The following SUSD4 variants were observed in gnomAD, a reference collection of about 807,000 sequenced individuals.
SUSD4 encodes sushi domain containing 4.
Under a neutral mutation model 50.5 loss-of-function variants are expected in SUSD4, and 41 were observed. That is an observed-to-expected ratio of 0.81 (90% confidence interval 0.63 to 1.05). The LOEUF (loss-of-function observed/expected upper bound fraction) is 1.05. Among genes scored for constraint, SUSD4 ranks in the 50% least tolerant of loss-of-function variants. SUSD4 has a pLI of 0.00. For missense variants in SUSD4, 580 were observed against 634.7 expected, an observed-to-expected ratio of 0.91 and a Z score of 0.93; for synonymous variants, 257 against 257.3, an observed-to-expected ratio of 1.00 and a Z score of 0.01.
At chr1:223,233,334 G>A (rs1181541590) in intron 5 of SUSD4, among the ~76,000 whole-genome samples, 5 of 152,140 alleles carry the variant, frequency 3.3e-5, no homozygotes, top group Non-Finnish European at 5.9e-5. Flanking sequence ...TAGGGGGTGG[G>A]AGCGTTTCTT....
At chr1:223,336,503 C>T (rs1173350652) in intron 2 of SUSD4, among the ~76,000 whole-genome samples, 1 of 152,182 alleles carries the variant, frequency 6.6e-6, no homozygotes, top group African/African-American at 2.4e-5. Flanking sequence ...GAATAGCACT[C>T]AGGACTGGAA....
intron 2 of SUSD4, among the ~76,000 whole-genome samples, chr1:223,336,777 CT>C (rs1273420813): frequency 2.0e-5 from 3 of 152,068 alleles, no homozygotes; most frequent in African/African-American, 7.3e-5. Flanking sequence ...GCTCTTCTGG[CT>C]CCAAATCAAA....
chr1:223,335,801 C>G (rs34572097), intron 2 of SUSD4, among the ~76,000 whole-genome samples: 1 of 151,972 alleles, frequency 6.6e-6, no homozygotes, highest in African/African-American at 2.4e-5. Context: ...CCAACTGAGA[C>G]GGTGATCAGA....
intron 5 of SUSD4, chr1:223,235,126 A>G: frequency 1.9e-6 from 3 of 1,581,756 alleles, no homozygotes; most frequent in Non-Finnish European, 2.6e-6. Flanking sequence ...GTAAATATGA[A>G]AACATAAGAA....
At chr1:223,236,716 T>C (rs1278705924) in intron 5 of SUSD4, among the ~76,000 whole-genome samples, 1 of 152,126 alleles carries the variant, frequency 6.6e-6, no homozygotes, top group East Asian at 1.9e-4. Context: ...GATCTATTTG[T>C]CAATTATTTC....
intron 5 of SUSD4, among the ~76,000 whole-genome samples, chr1:223,251,138 T>C (rs1661277518): frequency 6.6e-6 from 1 of 152,194 alleles, no homozygotes; most frequent in South Asian, 2.1e-4. Context: ...TGTTAGTCTG[T>C]TCATTGTATT....
At position 223,287,752 on chromosome 1, in the gene SUSD4, T is replaced by C. The variant is rs544456273; in HGVS notation, c.361+4687A>G. ...AGTTTACTTGAAACCAAGTGACCGATGCAACCAGTGACTACTCTCAGAGCT... is the reference window on the plus strand; with the variant it reads ...AGTTTACTTGAAACCAAGTGACCGACGCAACCAGTGACTACTCTCAGAGCT... On this transcript the variant is annotated intron_variant, in intron 3 of 8. Coordinates refer to ENST00000366878, the MANE Select transcript of SUSD4 (RefSeq NM_017982.4). 7.2e-5 allele frequency among the ~76,000 whole-genome samples: 11 copies of C among 152,284 alleles called. No individual in the cohort carries two copies. In the South Asian group the frequency reaches 2.3e-3, roughly 32 times the overall value.
chr1:223,224,338 T>TAAAC (rs559012498), intron 7 of SUSD4, among the ~76,000 whole-genome samples: 94 of 152,126 alleles, frequency 6.2e-4, no homozygotes, highest in Admixed American at 1.0e-3. Flanking sequence ...TGTTGTCTCA[T>TAAAC]AAACAAACAA....
Position 223,220,900 on chromosome 1 carries a change from A to G in SUSD4, c.*1292T>C. 1 of 398,834 alleles carries G rather than the reference A, an allele frequency of 2.5e-6. No homozygotes were observed. Among genetic ancestry groups the G allele is most frequent in the East Asian group, 3.6e-5 (1 of 28,006 alleles). The allele number at this position is 398,834 out of a possible 1,614,324, so 24.7% of individuals were successfully genotyped here. On this transcript the variant is annotated 3_prime_UTR_variant, in exon 9 of 9. Transcript: ENST00000366878. Reference sequence around the variant, plus strand: ...CTTGATCAAGCTTCCAGCCCTCACCACTCTATCAGCATAGCAATTTTAAGG... The same window carrying G: ...CTTGATCAAGCTTCCAGCCCTCACCGCTCTATCAGCATAGCAATTTTAAGG...
At chr1:223,282,408 AAT>A (rs1663808219) in intron 3 of SUSD4, among the ~76,000 whole-genome samples, 1 of 152,212 alleles carries the variant, frequency 6.6e-6, no homozygotes, top group Admixed American at 6.5e-5. Flanking sequence ...ATACAAAATC[AAT>A]ATGCAAAAAT....
chr1:223,272,841 T>TC (rs1466360304), intron 3 of SUSD4, among the ~76,000 whole-genome samples: 2 of 152,348 alleles, frequency 1.3e-5, no homozygotes, highest in South Asian at 4.1e-4. Context: ...CACTCTAGGC[T>TC]CAGGGTGTCC....
rs59885860 is a variant in SUSD4 at position 223,268,013 on chromosome 1, T to TTATATATATATATATATATATATATA, written c.535+463_535+488dup. On this transcript the variant is annotated intron_variant, in intron 4 of 8. Transcript: ENST00000366878. ...AATTTTTCTGCTCTTCATGCATTTT[T>TTATATATATATATATATATATATATA]TATATATATATATATATATATATAT... 2.3e-3 allele frequency among the ~76,000 whole-genome samples: 123 copies of TTATATATATATATATATATATATATA among 53,202 alleles called. 2 individuals carry two copies. The highest frequency in any genetic ancestry group is 3.1e-3 in the Non-Finnish European group (103 of 32,878). The allele number at this position is 53,202 out of a possible 152,430, so 34.9% of individuals were successfully genotyped here.
At chr1:223,288,419 T>C (rs560818044) in intron 3 of SUSD4, among the ~76,000 whole-genome samples, 7 of 152,308 alleles carry the variant, frequency 4.6e-5, no homozygotes, top group Non-Finnish European at 8.8e-5. Flanking sequence ...TCAGATAGTA[T>C]ATTTATAGCA....
intron 3 of SUSD4, among the ~76,000 whole-genome samples, chr1:223,280,153 C>T (rs1342756363): frequency 2.6e-5 from 4 of 152,128 alleles, no homozygotes; most frequent in East Asian, 1.9e-4. Flanking sequence ...TAAAGACCAT[C>T]GATGCTAGGA....
chr1:223,363,242 AT>A (rs1216161715), intron 2 of SUSD4, 35 bp downstream of exon 2: 1 of 1,518,996 alleles, frequency 6.6e-7, no homozygotes, highest in Admixed American at 2.0e-5. Flanking sequence ...CCTCTGGGCC[AT>A]CCCCAGGCCC....
chr1:223,278,450 C>A (rs1238148882), intron 3 of SUSD4, among the ~76,000 whole-genome samples: 3 of 152,210 alleles, frequency 2.0e-5, no homozygotes, highest in African/African-American at 7.2e-5. Context: ...CCCACACCCA[C>A]AGAGCCTTGC....
At chr1:223,337,977 G>A (rs1667548656) in intron 2 of SUSD4, among the ~76,000 whole-genome samples, 1 of 152,178 alleles carries the variant, frequency 6.6e-6, no homozygotes, top group Non-Finnish European at 1.5e-5. Context: ...GGACTCCTAG[G>A]GAATAATTGA....
intron 2 of SUSD4, among the ~76,000 whole-genome samples, chr1:223,346,113 C>G (rs1348654046): frequency 6.6e-6 from 1 of 152,122 alleles, no homozygotes; most frequent in Admixed American, 6.5e-5. Flanking sequence ...TCACAGCATC[C>G]CTGGTCTCCA....
chr1:223,266,316 G>C (rs896540022), intron 4 of SUSD4, among the ~76,000 whole-genome samples: 2 of 152,214 alleles, frequency 1.3e-5, no homozygotes, highest in Non-Finnish European at 2.9e-5. Flanking sequence ...TGAAGTGTAT[G>C]TGTGTTTATG....
Sources: gnomAD v4.1 joint callset for allele counts (sites outside exome capture counted in the v4.1 genomes callset) on GRCh38, gnomAD v4.1.1 for gene constraint, MANE v1.5 for transcripts, NCBI Gene and HGNC (gene_info 2026-07-23, HGNC 2026-07-21) for gene names.